TACR1: variants seen among roughly 807,000 people sequenced by gnomAD.
TACR1 encodes the protein substance-P receptor.
In TACR1, 25 loss-of-function variants were observed where a neutral mutation model predicts 35.8. The observed-to-expected ratio is 0.70, with a 90% confidence interval of 0.51 to 0.98. TACR1 has a LOEUF of 0.98. Among genes scored for constraint, TACR1 ranks in the 50% least tolerant of loss-of-function variants. The pLI, the probability that TACR1 is intolerant of heterozygous loss-of-function variation, is 0.00. For synonymous variants in TACR1, 195 were observed against 206.7 expected, an observed-to-expected ratio of 0.94 and a Z score of 0.48; for missense variants, 478 against 522.9, an observed-to-expected ratio of 0.91 and a Z score of 0.84.
intron 2 of TACR1, among the ~76,000 whole-genome samples, chr2:75,114,887 T>C (rs779208589): frequency 4.6e-5 from 7 of 152,232 alleles, no homozygotes; most frequent in Non-Finnish European, 1.0e-4. Flanking sequence ...ATGAATGTTA[T>C]AATGTTAGCA....
At chr2:75,114,659 C>G (rs1673815351) in intron 2 of TACR1, among the ~76,000 whole-genome samples, 1 of 152,188 alleles carries the variant, frequency 6.6e-6, no homozygotes, top group Admixed American at 6.5e-5. Flanking sequence ...ATTCACCTTT[C>G]TTTCTCTGTG....
At position 75,048,155 on chromosome 2, in the gene TACR1, G is replaced by A. The variant is rs1303989459; in HGVS notation, c.*1277C>T. On this transcript the variant is annotated 3_prime_UTR_variant, in exon 5 of 5. Transcript: ENST00000305249. ...GGAGCAGGGAGGAGACATTCAGAGAGTCTGAAGGGAAGATGCAAGATGCCC... is the reference window on the plus strand; with the variant it reads ...GGAGCAGGGAGGAGACATTCAGAGAATCTGAAGGGAAGATGCAAGATGCCC... 3.3e-5 allele frequency: 5 copies of A among 152,212 alleles called. No homozygotes were observed. Among genetic ancestry groups the A allele is most frequent in the Non-Finnish European group, 5.9e-5 (4 of 68,052 alleles). The allele number at this position is 152,212 out of a possible 1,614,324, so 9.4% of individuals were successfully genotyped here. A position where few individuals can be genotyped will look rare whatever the true frequency, so the allele number is the denominator to read the frequency against.
chr2:75,053,296 T>G (rs925532724), intron 3 of TACR1, among the ~76,000 whole-genome samples: 2 of 152,112 alleles, frequency 1.3e-5, no homozygotes, highest in African/African-American at 4.8e-5. Context: ...TATTATCTTG[T>G]CAAACTTTAA....
At chr2:75,053,939 C>T (rs938722575) in intron 2 of TACR1, among the ~76,000 whole-genome samples, 184 bp from the exon 3 acceptor site, 4 of 152,280 alleles carry the variant, frequency 2.6e-5, no homozygotes, top group African/African-American at 9.6e-5. Flanking sequence ...ATAGGTAATA[C>T]TAATGAATAC....
At chr2:75,065,756 ATATGAGTAAACATTTC>A (rs1269862539) in intron 2 of TACR1, among the ~76,000 whole-genome samples, 1 of 152,206 alleles carries the variant, frequency 6.6e-6, no homozygotes, top group African/African-American at 2.4e-5. Flanking sequence ...GTGCCAACGG[ATATGAGTAAACATTTC>A]TTGATATACG....
intron 2 of TACR1, among the ~76,000 whole-genome samples, chr2:75,113,302 A>G (rs985095767): frequency 3.2e-4 from 49 of 152,228 alleles, no homozygotes; most frequent in African/African-American, 1.1e-3. Context: ...CAGCACCCCA[A>G]AGGAGTCCTA....
chr2:75,130,527 G>T (rs760233625), intron 1 of TACR1, among the ~76,000 whole-genome samples: 3 of 152,196 alleles, frequency 2.0e-5, no homozygotes, highest in Non-Finnish European at 2.9e-5. Context: ...ATCCACAACT[G>T]TTTATTTATT....
At chr2:75,142,257 T>C (rs1674422828) in intron 1 of TACR1, among the ~76,000 whole-genome samples, 1 of 152,222 alleles carries the variant, frequency 6.6e-6, no homozygotes, top group Admixed American at 6.5e-5. Flanking sequence ...TTCTCATTCC[T>C]TGTGCCAATT....
chr2:75,086,832 A>T (rs1673197587), intron 2 of TACR1, among the ~76,000 whole-genome samples: 1 of 152,208 alleles, frequency 6.6e-6, no homozygotes, highest in Admixed American at 6.5e-5. Context: ...TGTCAGATTC[A>T]GGTACTCTTA....
intron 2 of TACR1, among the ~76,000 whole-genome samples, chr2:75,096,563 T>G (rs564379084): frequency 1.3e-5 from 2 of 152,344 alleles, no homozygotes; most frequent in South Asian, 4.1e-4. Context: ...ACAGGGCTAT[T>G]GTGCAAATAG....
chr2:75,069,911 T>C (rs911184506), intron 2 of TACR1, among the ~76,000 whole-genome samples: 5 of 152,200 alleles, frequency 3.3e-5, no homozygotes, highest in Non-Finnish European at 5.9e-5. Flanking sequence ...TCTTTTTTCT[T>C]TCTTTCCATA....
At chr2:75,116,957 T>G (rs1673876040) in intron 2 of TACR1, among the ~76,000 whole-genome samples, 1 of 152,234 alleles carries the variant, frequency 6.6e-6, no homozygotes, top group African/African-American at 2.4e-5. Flanking sequence ...TTATACTTCT[T>G]CTAGCAGTTG....
intron 2 of TACR1, among the ~76,000 whole-genome samples, chr2:75,118,249 A>C (rs1673901515): frequency 6.6e-6 from 1 of 152,260 alleles, no homozygotes; most frequent in African/African-American, 2.4e-5. Flanking sequence ...TACTGACAAA[A>C]AGAAAATAGG....
chr2:75,193,241 T>C (rs1238295648), intron 1 of TACR1, among the ~76,000 whole-genome samples: 1 of 152,210 alleles, frequency 6.6e-6, no homozygotes, highest in African/African-American at 2.4e-5. Flanking sequence ...CTCCAAAGAC[T>C]GAGACACAAT....
Position 75,099,284 on chromosome 2 carries a change from T to G in TACR1, c.584+21290A>C, listed in dbSNP as rs550559989. 1.2e-4 allele frequency among the ~76,000 whole-genome samples: 19 copies of G among 152,318 alleles called. No individual in the cohort carries two copies. The East Asian group carries it at 3.3e-3, about 26-fold the overall frequency. ...CTCCTTCTCTCTTTTGCATCAGTTA[T>G]CTGCATCCTGGCCACACCTGGGATA... On this transcript the variant is annotated intron_variant, in intron 2 of 4. Coordinates refer to ENST00000305249, the MANE Select transcript of TACR1 (RefSeq NM_001058.4).
rs139744197 is a variant in TACR1 at position 75,111,861 on chromosome 2, T to TGA, written c.584+8711_584+8712dup. ...GGTAGGGGTAGAAACAGGGCGAGTA[T>TGA]GAGAGAGAGAGAGAGAAACCTTTTC... On this transcript the variant is annotated intron_variant, in intron 2 of 4. Coordinates refer to ENST00000305249, the MANE Select transcript of TACR1 (RefSeq NM_001058.4). Among the ~76,000 whole-genome samples the TGA allele has an allele frequency of 1.0e-3, 157 of 150,826 alleles. 1 individual carries two copies. The East Asian group carries it at 0.025, about 24-fold the overall frequency.
intron 1 of TACR1, among the ~76,000 whole-genome samples, chr2:75,122,033 C>T (rs1673979983): frequency 1.3e-5 from 2 of 152,132 alleles, no homozygotes; most frequent in South Asian, 4.1e-4. Flanking sequence ...AATAAATTCC[C>T]ACTGGACACC....
chr2:75,179,425 T>C (rs530008809), intron 1 of TACR1, among the ~76,000 whole-genome samples: 1 of 152,292 alleles, frequency 6.6e-6, no homozygotes, highest in African/African-American at 2.4e-5. Flanking sequence ...TTACTGTCCA[T>C]TTGCCACACA....
chr2:75,136,059 C>T (rs1433039933), intron 1 of TACR1, among the ~76,000 whole-genome samples: 4 of 152,286 alleles, frequency 2.6e-5, no homozygotes, highest in Non-Finnish European at 1.5e-5. Context: ...ATTGCACAGG[C>T]GGAGAAAAGC....
Sources: allele counts gnomAD v4.1 joint callset (sites outside exome capture counted in the v4.1 genomes callset), GRCh38; gene constraint gnomAD v4.1.1; transcripts MANE v1.5; gene names NCBI Gene and HGNC (gene_info 2026-07-23, HGNC 2026-07-21).